GRIK2: variants seen among roughly 807,000 people sequenced by gnomAD.
The protein encoded by GRIK2 is glutamate ionotropic receptor kainate type subunit 2, also known as glutamate receptor ionotropic, kainate 2.
In GRIK2, 32 loss-of-function variants were observed where a neutral mutation model predicts 100.3. That is an observed-to-expected ratio of 0.32 (90% CI 0.24 to 0.43). The LOEUF is 0.43. GRIK2 is among the 20% of genes least tolerant of loss of function. The pLI is 1.00. For missense variants in GRIK2, 843 were observed against 1,114.9 expected, an observed-to-expected ratio of 0.76 and a Z score of 3.47; for synonymous variants, 417 against 389.4, an observed-to-expected ratio of 1.07 and a Z score of -0.83.
chr6:101,472,137 C>A (rs1417570527), intron 2 of GRIK2, among the ~76,000 whole-genome samples: 1 of 151,790 alleles, frequency 6.6e-6, no homozygotes, highest in Non-Finnish European at 1.5e-5. Context: ...AAAAACGTGT[C>A]ATTACAGTTT....
At chr6:101,981,747 AAAATGGAAAAG>A (rs1467881775) in intron 14 of GRIK2, among the ~76,000 whole-genome samples, 1 of 151,858 alleles carries the variant, frequency 6.6e-6, no homozygotes, top group Non-Finnish European at 1.5e-5. Context: ...AAGGGAAGAA[AAAATGGAAAAG>A]AAAGTGCTTT....
At chr6:101,697,946 C>T (rs1772614202) in intron 7 of GRIK2, among the ~76,000 whole-genome samples, 1 of 152,104 alleles carries the variant, frequency 6.6e-6, no homozygotes, top group Non-Finnish European at 1.5e-5. Flanking sequence ...GCCCTTTCTT[C>T]ACTTTAGTGC....
At chr6:101,661,269 C>T (rs1769590400) in intron 4 of GRIK2, among the ~76,000 whole-genome samples, 1 of 152,152 alleles carries the variant, frequency 6.6e-6, no homozygotes, top group Non-Finnish European at 1.5e-5. Context: ...GCTTTGTTTA[C>T]ACTGTGAGGG....
chr6:101,812,915 G>T (rs1367658955), intron 9 of GRIK2, among the ~76,000 whole-genome samples: 1 of 151,984 alleles, frequency 6.6e-6, no homozygotes, highest in African/African-American at 2.4e-5. Context: ...TCTATGTTCA[G>T]AAAATGGAGA....
rs374064676 is a variant in GRIK2 at position 101,711,445 on chromosome 6, A to G, written c.951+25092A>G. On this transcript the variant is annotated intron_variant, in intron 7 of 16. Transcript: ENST00000369134. ...TCTGAAGAGTAATATTCATGACCATATACTTACATATGATCTCTCTAAATA... is the reference window on the plus strand; with the variant it reads ...TCTGAAGAGTAATATTCATGACCATGTACTTACATATGATCTCTCTAAATA... 1.3e-3 allele frequency among the ~76,000 whole-genome samples: 204 copies of G among 151,912 alleles called. 3 individuals carry two copies. The highest frequency in any genetic ancestry group is 3.1e-3 in the South Asian group (15 of 4,824).
At chr6:101,723,895 T>C (rs1170457315) in intron 7 of GRIK2, among the ~76,000 whole-genome samples, 2 of 152,000 alleles carry the variant, frequency 1.3e-5, no homozygotes, top group Admixed American at 6.6e-5. Flanking sequence ...AAACCCTTTC[T>C]GCTTTACCTC....
intron 7 of GRIK2, among the ~76,000 whole-genome samples, chr6:101,703,816 G>T (rs1453892167): frequency 6.6e-6 from 1 of 151,376 alleles, no homozygotes; most frequent in Non-Finnish European, 1.5e-5. Context: ...TAGAAGCAGG[G>T]ATTGTTTATT....
chr6:101,676,756 T>G lies in GRIK2; in HGVS notation c.675T>G (p.His225Gln). Residue 225 changes from histidine (H) to glutamine (Q), a missense_variant, in exon 5 of 17, where the codon CAT becomes CAG. Transcript: ENST00000369134. ...LKEMKRGKEF[H>Q]VIFDCSHEMA... The stretch of plus-strand genomic sequence containing the variant: ...AAATGAAAAGAGGCAAGGAGTTTCA[T>G]GTAATCTTTGATTGTAGCCATGAAA... 6.2e-7 allele frequency: 1 copy of G among 1,608,838 alleles called. No individual in the cohort carries two copies. Among genetic ancestry groups the G allele is most frequent in the Non-Finnish European group, 8.5e-7 (1 of 1,177,224 alleles).
chr6:101,822,236 A>ACG (rs1554269267), intron 10 of GRIK2, among the ~76,000 whole-genome samples: 1 of 151,524 alleles, frequency 6.6e-6, no homozygotes, highest in African/African-American at 2.4e-5. Flanking sequence ...ACACACACAC[A>ACG]CACACACAAA....
At chr6:102,056,965 C>A (rs1051931269) in intron 16 of GRIK2, among the ~76,000 whole-genome samples, 1 of 151,902 alleles carries the variant, frequency 6.6e-6, no homozygotes, top group Non-Finnish European at 1.5e-5. Flanking sequence ...TTTATGCTTG[C>A]TTGGCTAACT....
intron 2 of GRIK2, among the ~76,000 whole-genome samples, chr6:101,440,869 A>G (rs1172571233): frequency 6.7e-6 from 1 of 149,024 alleles, no homozygotes; most frequent in Non-Finnish European, 1.5e-5. Flanking sequence ...GTCAGATTCT[A>G]CGAGAAAGAA....
intron 4 of GRIK2, among the ~76,000 whole-genome samples, chr6:101,649,191 A>C (rs1287604613): frequency 6.6e-6 from 1 of 152,030 alleles, no homozygotes; most frequent in East Asian, 1.9e-4. Context: ...CTTCCTTTCA[A>C]GAAGGTAGTT....
chr6:101,886,115 T>A (rs1178628076), intron 11 of GRIK2, among the ~76,000 whole-genome samples: 1 of 152,148 alleles, frequency 6.6e-6, no homozygotes, highest in African/African-American at 2.4e-5. Context: ...TCTTTTACTG[T>A]CTCTATAATT....
At chr6:101,572,814 TATTA>T (rs1777609093) in intron 2 of GRIK2, among the ~76,000 whole-genome samples, 1 of 102,044 alleles carries the variant, frequency 9.8e-6, no homozygotes. Context: ...TATTGTTGTT[TATTA>T]TTTATTTATT....
At chr6:102,054,915 C>T (rs1771391109) in intron 15 of GRIK2, among the ~76,000 whole-genome samples, 2 of 152,088 alleles carry the variant, frequency 1.3e-5, no homozygotes, top group Non-Finnish European at 2.9e-5. Context: ...TCTTTGGAAA[C>T]ACCAATTTTT....
intron 12 of GRIK2, among the ~76,000 whole-genome samples, chr6:101,918,895 T>C (rs2128468313): frequency 6.6e-6 from 1 of 151,762 alleles, no homozygotes; most frequent in African/African-American, 2.4e-5. Context: ...AGACAGTAGG[T>C]GATAAATAGA....
intron 16 of GRIK2, among the ~76,000 whole-genome samples, chr6:102,058,350 T>C (rs1479233316): frequency 6.6e-6 from 1 of 151,772 alleles, no homozygotes; most frequent in Admixed American, 6.6e-5. Flanking sequence ...ATCTATCTAT[T>C]TGTCTATCTA....
chr6:101,976,138 G>C (rs1184449516), intron 14 of GRIK2, among the ~76,000 whole-genome samples: 2 of 151,916 alleles, frequency 1.3e-5, no homozygotes, highest in African/African-American at 4.8e-5. Flanking sequence ...AAAATGGAAA[G>C]TGTTTAAAGA....
intron 9 of GRIK2, among the ~76,000 whole-genome samples, chr6:101,804,127 A>G (rs1338953736): frequency 1.3e-5 from 2 of 151,988 alleles, no homozygotes; most frequent in African/African-American, 2.4e-5. Flanking sequence ...CTGATAAAAG[A>G]TATAATTAAT....
Sources: gnomAD v4.1 joint callset for allele counts (sites outside exome capture counted in the v4.1 genomes callset) on GRCh38, gnomAD v4.1.1 for gene constraint, MANE v1.5 for transcripts, NCBI Gene and HGNC (gene_info 2026-07-23, HGNC 2026-07-21) for gene names.